Variants in GMPR observed in about 807,000 individuals in gnomAD.
GMPR encodes guanosine monophosphate reductase.
A neutral mutation model predicts 38.4 loss-of-function variants in GMPR; 31 were observed. The observed-to-expected ratio is 0.81, with a 90% CI of 0.61 to 1.09. GMPR has a LOEUF of 1.09. GMPR is among the 50% of genes least tolerant of loss of function. The pLI, the probability that GMPR is intolerant of heterozygous loss-of-function variation, is 0.00. For missense variants in GMPR, 468 were observed against 453.7 expected, an observed-to-expected ratio of 1.03 and a Z score of -0.29; for synonymous variants, 162 against 173.3, an observed-to-expected ratio of 0.93 and a Z score of 0.51.
In GMPR at chr6:16,263,033, G is replaced by C. The variant is rs558270451; in HGVS notation, c.465+8298G>C. The C allele has an allele frequency of 1.8e-3, 273 of 152,070 alleles. 5 individuals are homozygous for C. The highest frequency in any genetic ancestry group is 6.2e-3 in the African/African-American group (256 of 41,524). 9.4% of individuals were successfully genotyped at this position (152,070 alleles called of 1,614,324 possible). Reference sequence around the variant, plus strand: ...TGAGAAAGAATTGGGACCTAGCTCGGCCTGGCGAGGAGCAGCCTGGGGAGG... The same window carrying C: ...TGAGAAAGAATTGGGACCTAGCTCGCCCTGGCGAGGAGCAGCCTGGGGAGG... On this transcript the variant is annotated intron_variant, in intron 4 of 8. Transcript: ENST00000259727.
At chr6:16,266,878 G>A (rs927506117) in intron 4 of GMPR, among the ~76,000 whole-genome samples, 1 of 151,568 alleles carries the variant, frequency 6.6e-6, no homozygotes, top group African/African-American at 2.4e-5. Flanking sequence ...GAACCGTCCG[G>A]GAGGAACGAA....
intron 1 of GMPR, among the ~76,000 whole-genome samples, chr6:16,239,600 G>A (rs572348373): frequency 6.6e-6 from 1 of 152,242 alleles, no homozygotes; most frequent in Non-Finnish European, 1.5e-5. Flanking sequence ...GAGCTGGAGA[G>A]GAAGGTGAGG....
chr6:16,294,959 G>A (rs1759908861), intron 8 of GMPR, 47 bp from the exon 9 acceptor site: 1 of 1,479,886 alleles, frequency 6.8e-7, no homozygotes, highest in African/African-American at 1.4e-5. Context: ...GGGCTCTTAA[G>A]GTGGGGCGGG....
intron 6 of GMPR, 85 bp from the exon 7 acceptor site, chr6:16,285,708 C>A (rs1759665963): frequency 8.9e-7 from 1 of 1,127,586 alleles, no homozygotes; most frequent in East Asian, 2.4e-5. Context: ...TCTGAACCCC[C>A]AGTCACTAGG....
chr6:16,248,123 C>T (rs1359165937), intron 2 of GMPR, among the ~76,000 whole-genome samples: 1 of 148,776 alleles, frequency 6.7e-6, no homozygotes, highest in Admixed American at 6.8e-5. Flanking sequence ...CCCAGCTACT[C>T]GGGAGGCTGA....
rs79238997 is a variant in GMPR, at chr6:16,265,159, A to T, written c.466-9256A>T. 4.6e-5 allele frequency among the ~76,000 whole-genome samples: 7 copies of T among 152,326 alleles called. No homozygotes were observed. In the East Asian group the frequency reaches 1.3e-3, roughly 29 times the overall value. Reference sequence around the variant, plus strand: ...GTAGAAACAGAATATTGCAGTGTTGACCAGGGTGATCTCAAACTCCTGACT... The same window carrying T: ...GTAGAAACAGAATATTGCAGTGTTGTCCAGGGTGATCTCAAACTCCTGACT... On this transcript the variant is annotated intron_variant, in intron 4 of 8. Transcript: ENST00000259727.
intron 8 of GMPR, among the ~76,000 whole-genome samples, chr6:16,294,323 A>G (rs1394300494): frequency 2.6e-5 from 4 of 152,212 alleles, no homozygotes; most frequent in African/African-American, 7.2e-5. Context: ...GGGGGTGGCC[A>G]GTGTACCCAG....
At position 16,252,628 on chromosome 6, in the gene GMPR, C is replaced by T. The variant is rs377601817; in HGVS notation, c.292-1934C>T. Among the ~76,000 whole-genome samples the T allele has an allele frequency of 8.5e-5, 13 of 152,348 alleles. No individual in the cohort carries two copies. The East Asian group carries it at 2.3e-3, about 27-fold the overall frequency. ...CCAAGTGTGATACATCGACTTACTA[C>T]ACAGCCCGCCACCAAATAAAAGGCG... On this transcript the variant is annotated intron_variant, in intron 3 of 8. Transcript: ENST00000259727.
chr6:16,274,982 A>G (rs1581660967), intron 5 of GMPR, among the ~76,000 whole-genome samples: 1 of 152,132 alleles, frequency 6.6e-6, no homozygotes, highest in African/African-American at 2.4e-5. Flanking sequence ...TACTCACCTG[A>G]TACGTATTAG....
At chr6:16,285,716 A>T in intron 6 of GMPR, 77 bp from the exon 7 acceptor site, 1 of 1,196,672 alleles carries the variant, frequency 8.4e-7, no homozygotes, top group Non-Finnish European at 1.2e-6. Context: ...CCCAGTCACT[A>T]GGTCATCTGG....
At position 16,238,778 on chromosome 6, in the gene GMPR, G is replaced by C; in HGVS notation, c.85G>C (p.Glu29Gln). 2.1e-6 allele frequency: 3 copies of C among 1,447,926 alleles called. No individual in the cohort carries two copies. Among genetic ancestry groups the C allele is most frequent in the Non-Finnish European group, 2.8e-6 (3 of 1,081,928 alleles). 89.7% of individuals were successfully genotyped at this position (1,447,926 alleles called of 1,614,324 possible). The stretch of plus-strand genomic sequence containing the variant: ...GCGGAGCAGCCTCAAGAGCCGAGCC[G>C]AGGTGGGGGACGTTCGGAAGTCGCA... The part of the protein sequence containing the change: ...PKRSSLKSRA[E>Q]VDLERTFTFR... The change falls in exon 1 of 9, where the codon GAG becomes CAG. Residue 29 changes from glutamate to glutamine, a missense_variant and splice_region_variant. By Grantham distance (29) the Glu-to-Gln change is conservative (BLOSUM62 2). Coordinates refer to ENST00000259727, the MANE Select transcript of GMPR (RefSeq NM_006877.4).
chr6:16,251,854 C>T (rs1011434888), intron 3 of GMPR, among the ~76,000 whole-genome samples: 1 of 151,896 alleles, frequency 6.6e-6, no homozygotes, highest in Non-Finnish European at 1.5e-5. Context: ...TTCAAGAAGC[C>T]ATTAAAAAAA....
chr6:16,291,000 T>C (rs1315806153), intron 8 of GMPR, among the ~76,000 whole-genome samples: 3 of 152,094 alleles, frequency 2.0e-5, no homozygotes, highest in Admixed American at 6.6e-5. Flanking sequence ...GCTGAAAGGA[T>C]TGAGTTGAAG....
At chr6:16,240,770 C>T (rs1449105861) in intron 1 of GMPR, among the ~76,000 whole-genome samples, 1 of 152,224 alleles carries the variant, frequency 6.6e-6, no homozygotes, top group Non-Finnish European at 1.5e-5. Context: ...AGCATCTTTG[C>T]AATCTTCATG....
chr6:16,264,937 A>C (rs994434760), intron 4 of GMPR, among the ~76,000 whole-genome samples: 5 of 152,208 alleles, frequency 3.3e-5, no homozygotes, highest in Non-Finnish European at 5.9e-5. Flanking sequence ...GTAGGAGAAC[A>C]GGGATTTTTA....
At chr6:16,279,708 G>A (rs1044024524) in intron 6 of GMPR, among the ~76,000 whole-genome samples, 3 of 152,198 alleles carry the variant, frequency 2.0e-5, no homozygotes, top group Non-Finnish European at 1.5e-5. Context: ...CATCTGGGGC[G>A]AGTGACCTGA....
At chr6:16,275,578 G>T (rs960975963) in intron 5 of GMPR, among the ~76,000 whole-genome samples, 2 of 150,866 alleles carry the variant, frequency 1.3e-5, no homozygotes, top group African/African-American at 2.5e-5. Flanking sequence ...ATGGGAAGAG[G>T]TCTTTACTGA....
At chr6:16,276,774 C>A (rs1759480053) in intron 5 of GMPR, among the ~76,000 whole-genome samples, 1 of 152,164 alleles carries the variant, frequency 6.6e-6, no homozygotes, top group Admixed American at 6.5e-5. Flanking sequence ...TATTGGATGT[C>A]TATTGATTGA....
At chr6:16,274,828 G>A (rs1470250483) in intron 5 of GMPR, among the ~76,000 whole-genome samples, 1 of 152,188 alleles carries the variant, frequency 6.6e-6, no homozygotes, top group Admixed American at 6.5e-5. Context: ...GGCGATAGGT[G>A]AAGAATCCAT....
Sources: gnomAD v4.1 joint callset for allele counts (sites outside exome capture counted in the v4.1 genomes callset) on GRCh38, gnomAD v4.1.1 for gene constraint, MANE v1.5 for transcripts, NCBI Gene and HGNC (gene_info 2026-07-23, HGNC 2026-07-21) for gene names.